The following SNTG1 variants were observed in gnomAD, a reference collection of about 807,000 sequenced individuals.
The protein encoded by SNTG1 is gamma-1-syntrophin.
SNTG1 carries 39 observed loss-of-function variants against 74.7 expected under a neutral mutation model. The observed-to-expected ratio is 0.52, with a 90% CI of 0.40 to 0.68. SNTG1 has a LOEUF of 0.68. Among genes scored for constraint, SNTG1 ranks in the 30% least tolerant of loss-of-function variants. The pLI, the probability that SNTG1 is intolerant of heterozygous loss-of-function variation, is 0.00. For missense variants in SNTG1, 685 were observed against 609.5 expected (o/e 1.12, Z -1.30); for synonymous variants, 254 against 217.1 (o/e 1.17, Z -1.49).
At chr8:50,048,783 A>AT (rs1212197424) in intron 1 of SNTG1, among the ~76,000 whole-genome samples, 1 of 152,118 alleles carries the variant, frequency 6.6e-6, no homozygotes, top group Non-Finnish European at 1.5e-5. Flanking sequence ...ATTTCTTAAT[A>AT]TTTTACCTCT....
At chr8:49,978,484 C>T (rs940386511) in intron 1 of SNTG1, among the ~76,000 whole-genome samples, 2 of 152,168 alleles carry the variant, frequency 1.3e-5, no homozygotes, top group Non-Finnish European at 2.9e-5. Context: ...TCTAAAATAG[C>T]ATGGGTGGCC....
intron 13 of SNTG1, among the ~76,000 whole-genome samples, chr8:50,606,052 G>C (rs930897140): frequency 2.6e-5 from 4 of 151,906 alleles, no homozygotes; most frequent in Admixed American, 6.6e-5. Context: ...TTTTTGCATT[G>C]GTGTTCATCA....
chr8:49,947,789 A>C (rs566222058), intron 1 of SNTG1, among the ~76,000 whole-genome samples: 12 of 152,288 alleles, frequency 7.9e-5, no homozygotes, highest in Middle Eastern at 3.4e-3. Context: ...CTTAAACATC[A>C]TCCAAAAAAT....
intron 2 of SNTG1, among the ~76,000 whole-genome samples, chr8:50,351,212 G>A (rs1326026917): frequency 6.6e-6 from 1 of 152,170 alleles, no homozygotes; most frequent in Non-Finnish European, 1.5e-5. Context: ...GTATTCAGTA[G>A]AATTAGGGTG....
At chr8:50,632,219 A>C (rs1437810345) in intron 13 of SNTG1, among the ~76,000 whole-genome samples, 1 of 151,966 alleles carries the variant, frequency 6.6e-6, no homozygotes, top group East Asian at 1.9e-4. Context: ...AAGCTTAGGA[A>C]TTGGGGTAAT....
intron 13 of SNTG1, among the ~76,000 whole-genome samples, chr8:50,635,383 G>C (rs1399554210): frequency 6.6e-6 from 1 of 152,160 alleles, no homozygotes; most frequent in Non-Finnish European, 1.5e-5. Context: ...GGGGCAGTGA[G>C]TTTTTTCAGG....
chr8:50,689,947 A>G (rs1343578888), intron 15 of SNTG1, among the ~76,000 whole-genome samples: 1 of 152,126 alleles, frequency 6.6e-6, no homozygotes, highest in Admixed American at 6.5e-5. Context: ...GTCTATTCAG[A>G]GATTCAACTT....
intron 2 of SNTG1, among the ~76,000 whole-genome samples, chr8:50,214,022 G>C (rs2084652254): frequency 1.3e-5 from 2 of 151,912 alleles, no homozygotes; most frequent in Admixed American, 1.3e-4. Context: ...TGTCCTGAAT[G>C]GTAATGCCTA....
intron 11 of SNTG1, among the ~76,000 whole-genome samples, chr8:50,537,962 A>G (rs1172642980): frequency 1.3e-5 from 2 of 152,178 alleles, no homozygotes; most frequent in Non-Finnish European, 2.9e-5. Flanking sequence ...TTATCTCTTA[A>G]TATATGTAGT....
intron 2 of SNTG1, among the ~76,000 whole-genome samples, chr8:50,317,705 C>A (rs1053267259): frequency 6.6e-6 from 1 of 152,190 alleles, no homozygotes; most frequent in African/African-American, 2.4e-5. Context: ...CTTTCCTTTT[C>A]TTCTCTGTGT....
At chr8:50,695,249 G>A (rs1027783542) in intron 15 of SNTG1, among the ~76,000 whole-genome samples, 5 of 151,016 alleles carry the variant, frequency 3.3e-5, no homozygotes, top group Non-Finnish European at 7.4e-5. Flanking sequence ...AACAAATTTA[G>A]GAAAGTTACA....
At chr8:50,643,243 G>A (rs1383899022) in intron 13 of SNTG1, among the ~76,000 whole-genome samples, 1 of 152,178 alleles carries the variant, frequency 6.6e-6, no homozygotes, top group Non-Finnish European at 1.5e-5. Context: ...GCTTTCTTAT[G>A]CTGACACTGG....
At chr8:50,127,590 C>T (rs1403520947) in intron 1 of SNTG1, among the ~76,000 whole-genome samples, 1 of 152,124 alleles carries the variant, frequency 6.6e-6, no homozygotes, top group African/African-American at 2.4e-5. Flanking sequence ...GTAATAACTG[C>T]AGGGAAGCCT....
In SNTG1 at chr8:50,484,157, C is replaced by CTTCTTTCT. The variant is rs1563453703; in HGVS notation, c.364-18618_364-18617insTTTCTTTC. ...CTTTCCTTCTTTCTTTCTTTCCTTCCTTCCTTCCTTCCTTCCTTCCTTCCT... is the reference window on the plus strand; with the variant it reads ...CTTTCCTTCTTTCTTTCTTTCCTTCCTTCTTTCTTTCCTTCCTTCCTTCCTTCCTTCCT... On this transcript the variant is annotated intron_variant, in intron 8 of 18. Coordinates refer to ENST00000642720, the MANE Select transcript of SNTG1 (RefSeq NM_018967.5). Among the ~76,000 whole-genome samples, 239 of 28,024 alleles carry CTTCTTTCT rather than the reference C, an allele frequency of 8.5e-3. 1 individual carries two copies. Among genetic ancestry groups the CTTCTTTCT allele is most frequent in the Non-Finnish European group, 0.025 (195 of 7,926 alleles). The allele number at this position is 28,024 out of a possible 152,430, so 18.4% of individuals were successfully genotyped here.
At chr8:50,713,575 C>T (rs1334245120) in intron 17 of SNTG1, among the ~76,000 whole-genome samples, 1 of 152,114 alleles carries the variant, frequency 6.6e-6, no homozygotes. Flanking sequence ...GAAGTCTTTG[C>T]CCATGTCTGC....
At chr8:50,358,956 T>C (rs777142615) in intron 2 of SNTG1, among the ~76,000 whole-genome samples, 2 of 152,198 alleles carry the variant, frequency 1.3e-5, no homozygotes, top group Non-Finnish European at 2.9e-5. Context: ...ATGGGAGACA[T>C]GCATACTGGT....
chr8:50,255,562 G>T (rs2086842826), intron 2 of SNTG1, among the ~76,000 whole-genome samples: 1 of 152,128 alleles, frequency 6.6e-6, no homozygotes, highest in Non-Finnish European at 1.5e-5. Context: ...TCTGCTCTGT[G>T]CCCCTCTCAT....
chr8:50,427,886 A>G (rs1318761757), intron 4 of SNTG1, among the ~76,000 whole-genome samples: 1 of 152,232 alleles, frequency 6.6e-6, no homozygotes, highest in African/African-American at 2.4e-5. Context: ...CAGCCTTTTA[A>G]ATATATATTT....
rs545539889 is a variant in SNTG1, at chr8:50,385,570, G to A, written c.-27-8642G>A. On this transcript the variant is annotated intron_variant, in intron 2 of 18. Transcript: ENST00000642720. ...ATTAACTTAATGCCATCACTGTAAT[G>A]AGCCACTGTGGAATCTTGTGGAAAG... 1.2e-4 allele frequency among the ~76,000 whole-genome samples: 19 copies of A among 152,270 alleles called. 1 individual carries two copies. The highest frequency in any genetic ancestry group is 4.1e-4 in the African/African-American group (17 of 41,558).
Sources: allele counts gnomAD v4.1 joint callset (sites outside exome capture counted in the v4.1 genomes callset), GRCh38; gene constraint gnomAD v4.1.1; transcripts MANE v1.5; gene names NCBI Gene and HGNC (gene_info 2026-07-23, HGNC 2026-07-21).